Variants in CNTNAP2 observed in about 807,000 individuals in gnomAD.
CNTNAP2 encodes the protein contactin associated protein 2, also known as contactin-associated protein-like 2.
In CNTNAP2, 98 loss-of-function variants were observed where a neutral mutation model predicts 155.2. That is an observed-to-expected ratio of 0.63 (90% CI 0.54 to 0.75). The LOEUF (loss-of-function observed/expected upper bound fraction) is 0.75, where lower values mean the gene tolerates loss of function less well. Ranked by LOEUF, CNTNAP2 falls within the 30% of genes least tolerant of loss-of-function variation. The pLI is 0.00. For missense variants in CNTNAP2, 1,727 were observed against 1,688.1 expected (o/e 1.02, Z -0.40); for synonymous variants, 651 against 631.2 (o/e 1.03, Z -0.47).
intron 15 of CNTNAP2, among the ~76,000 whole-genome samples, chr7:148,033,200 T>A (rs1446904217): frequency 1.3e-5 from 2 of 152,160 alleles, no homozygotes; most frequent in Non-Finnish European, 1.5e-5. Flanking sequence ...TTGCTGAATT[T>A]AAAAATACTT....
chr7:147,788,013 G>T (rs557238589), intron 13 of CNTNAP2, among the ~76,000 whole-genome samples: 2 of 152,294 alleles, frequency 1.3e-5, no homozygotes, highest in African/African-American at 4.8e-5. Context: ...GAAGGACTGA[G>T]TTTATAAGGT....
intron 1 of CNTNAP2, among the ~76,000 whole-genome samples, chr7:146,231,428 T>G (rs1271891136): frequency 6.6e-6 from 1 of 152,162 alleles, no homozygotes; most frequent in East Asian, 1.9e-4. Flanking sequence ...CTCCTTTGTT[T>G]AATGTTCATC....
At chr7:147,358,543 T>C (rs538532881) in intron 9 of CNTNAP2, among the ~76,000 whole-genome samples, 2 of 152,236 alleles carry the variant, frequency 1.3e-5, no homozygotes, top group African/African-American at 4.8e-5. Flanking sequence ...GAACGATCTA[T>C]AATTTTTATT....
At chr7:147,860,418 C>T (rs1799114112) in intron 13 of CNTNAP2, among the ~76,000 whole-genome samples, 3 of 151,182 alleles carry the variant, frequency 2.0e-5, no homozygotes, top group East Asian at 1.9e-4. Context: ...AGTGAGACTC[C>T]GTCTCAACAA....
intron 21 of CNTNAP2, among the ~76,000 whole-genome samples, chr7:148,333,434 GAA>G (rs58192570): frequency 2.1e-5 from 3 of 143,464 alleles, no homozygotes; most frequent in East Asian, 4.0e-4. Flanking sequence ...CTCAGGAAAG[GAA>G]AAAAAAAACA....
chr7:146,965,100 A>T (rs1170364407), intron 3 of CNTNAP2, among the ~76,000 whole-genome samples: 1 of 152,234 alleles, frequency 6.6e-6, no homozygotes, highest in Non-Finnish European at 1.5e-5. Flanking sequence ...AAGGTGCATG[A>T]TAAGAGTCAT....
chr7:146,946,896 G>A (rs1295647949), intron 3 of CNTNAP2, among the ~76,000 whole-genome samples: 1 of 151,928 alleles, frequency 6.6e-6, no homozygotes, highest in Non-Finnish European at 1.5e-5. Context: ...TTGAAAAAGA[G>A]CAAATACAAG....
intron 1 of CNTNAP2, among the ~76,000 whole-genome samples, chr7:146,224,027 C>G (rs1028965106): frequency 3.3e-5 from 5 of 152,254 alleles, no homozygotes; most frequent in African/African-American, 9.6e-5. Flanking sequence ...TCAAATTGTC[C>G]TGTTAAAAAT....
At chr7:146,868,001 C>T (rs1795238211) in intron 3 of CNTNAP2, among the ~76,000 whole-genome samples, 1 of 152,048 alleles carries the variant, frequency 6.6e-6, no homozygotes, top group Admixed American at 6.6e-5. Flanking sequence ...GTTTCTTTTG[C>T]TGCAGAAACG....
rs146934523 is a variant in CNTNAP2 at position 147,827,654 on chromosome 7, C to T, written c.2099-75911C>T. On this transcript the variant is annotated intron_variant, in intron 13 of 23. Transcript: ENST00000361727. ...TTCTTGCCAAGCTTTGGGTTTTGAA[C>T]TTGCGGAATCTTAGAGTCACAGGAA... is the stretch of plus-strand genomic sequence containing the variant. Among the ~76,000 whole-genome samples, 271 of 151,976 alleles carry T rather than the reference C, an allele frequency of 1.8e-3. 2 individuals are homozygous for T. The highest frequency in any genetic ancestry group is 7.1e-3 in the Admixed American group (108 of 15,260).
At chr7:147,621,847 T>A (rs1036962894) in intron 12 of CNTNAP2, among the ~76,000 whole-genome samples, 1 of 151,686 alleles carries the variant, frequency 6.6e-6, no homozygotes, top group Non-Finnish European at 1.5e-5. Context: ...GCTGAATAGA[T>A]GAAAAAGAAA....
At chr7:147,775,257 ATAAATATATT>A (rs1201397169) in intron 13 of CNTNAP2, among the ~76,000 whole-genome samples, 12 of 113,888 alleles carry the variant, frequency 1.1e-4, no homozygotes, top group Admixed American at 3.8e-4. Flanking sequence ...ATATATATTT[ATAAATATATT>A]TATATATATA....
At chr7:147,991,654 T>C (rs930066784) in intron 15 of CNTNAP2, among the ~76,000 whole-genome samples, 1 of 152,212 alleles carries the variant, frequency 6.6e-6, no homozygotes, top group Non-Finnish European at 1.5e-5. Flanking sequence ...CATGAAGTAT[T>C]AAATTTATAT....
At chr7:148,226,542 T>C (rs780222295) in intron 19 of CNTNAP2, among the ~76,000 whole-genome samples, 1 of 151,932 alleles carries the variant, frequency 6.6e-6, no homozygotes, top group Non-Finnish European at 1.5e-5. Context: ...ATCTCAGGAG[T>C]TGGGCAAGCG....
At chr7:146,430,267 A>G (rs1008073232) in intron 1 of CNTNAP2, among the ~76,000 whole-genome samples, 8 of 151,868 alleles carry the variant, frequency 5.3e-5, no homozygotes, top group Admixed American at 3.3e-4. Flanking sequence ...GAGGAAGTCT[A>G]CTAATAATGC....
intron 1 of CNTNAP2, among the ~76,000 whole-genome samples, chr7:146,742,307 A>C (rs1232338342): frequency 6.6e-6 from 1 of 152,158 alleles, no homozygotes; most frequent in Admixed American, 6.5e-5. Flanking sequence ...CTTCTTTAGG[A>C]GTACTTTTCA....
At chr7:146,950,292 A>C (rs1797282144) in intron 3 of CNTNAP2, among the ~76,000 whole-genome samples, 1 of 152,070 alleles carries the variant, frequency 6.6e-6, no homozygotes, top group African/African-American at 2.4e-5. Context: ...TTCTTTATGC[A>C]GACAATTACT....
At chr7:147,251,447 T>C (rs976318739) in intron 8 of CNTNAP2, among the ~76,000 whole-genome samples, 1 of 152,128 alleles carries the variant, frequency 6.6e-6, no homozygotes, top group Non-Finnish European at 1.5e-5. Context: ...GGTAGGTAGG[T>C]AGGTAGGTAG....
chr7:146,294,675 T>C (rs1800484532), intron 1 of CNTNAP2, among the ~76,000 whole-genome samples: 1 of 152,208 alleles, frequency 6.6e-6, no homozygotes, highest in Admixed American at 6.5e-5. Flanking sequence ...CTATAGACTT[T>C]TATTTTTAGA....
Sources: allele counts gnomAD v4.1 joint callset (sites outside exome capture counted in the v4.1 genomes callset), GRCh38; gene constraint gnomAD v4.1.1; transcripts MANE v1.5; gene names NCBI Gene and HGNC (gene_info 2026-07-23, HGNC 2026-07-21).